CD2AP: variants seen among roughly 807,000 people sequenced by gnomAD.
The protein encoded by CD2AP is CD2-associated protein.
A neutral mutation model predicts 85.1 loss-of-function variants in CD2AP; 46 were observed. That is an observed-to-expected ratio of 0.54 (90% CI 0.43 to 0.69). The LOEUF (loss-of-function observed/expected upper bound fraction) is 0.69, where lower values mean the gene tolerates loss of function less well. Ranked by LOEUF, CD2AP falls within the 30% of genes least tolerant of loss-of-function variation. The probability of loss-of-function intolerance (pLI) is 0.00; values close to 1 mark genes in which losing one functional copy is unlikely to be tolerated. For missense variants in CD2AP, 769 were observed against 729.5 expected (o/e 1.05, Z -0.62); for synonymous variants, 255 against 252.9 (o/e 1.01, Z -0.08).
chr6:47,622,821 G>T (rs185364287), intron 17 of CD2AP, among the ~76,000 whole-genome samples: 12 of 152,296 alleles, frequency 7.9e-5, no homozygotes, highest in African/African-American at 2.6e-4. Flanking sequence ...ATGCTGTTCT[G>T]TCTGGAGCCG....
intron 17 of CD2AP, 34 bp downstream of exon 17, chr6:47,612,570 G>T: frequency 1.4e-6 from 2 of 1,446,928 alleles, no homozygotes; most frequent in East Asian, 2.3e-5. Flanking sequence ...AGAGTTTAGT[G>T]AGCATAAACT....
At chr6:47,525,229 T>C (rs548311171) in intron 2 of CD2AP, among the ~76,000 whole-genome samples, 2 of 152,262 alleles carry the variant, frequency 1.3e-5, no homozygotes, top group South Asian at 4.1e-4. Flanking sequence ...TTAATTCTTA[T>C]TTTCCTTATT....
At chr6:47,621,778 G>T (rs542319562) in intron 17 of CD2AP, among the ~76,000 whole-genome samples, 1 of 152,184 alleles carries the variant, frequency 6.6e-6, no homozygotes, top group African/African-American at 2.4e-5. Context: ...TAGGAGGGTT[G>T]TATTTTTCCA....
At chr6:47,558,859 CT>C (rs892161277) in intron 5 of CD2AP, among the ~76,000 whole-genome samples, 6 of 151,988 alleles carry the variant, frequency 3.9e-5, no homozygotes, top group African/African-American at 1.5e-4. Flanking sequence ...CGGAGGAGTC[CT>C]TTTTTTGTTG....
At chr6:47,612,567 A>T in intron 17 of CD2AP, 31 bp downstream of exon 17, 1 of 1,487,496 alleles carries the variant, frequency 6.7e-7, no homozygotes, top group Non-Finnish European at 9.4e-7. Context: ...TTGAGAGTTT[A>T]GTGAGCATAA....
At chr6:47,581,016 T>G (rs1768464052) in intron 10 of CD2AP, 116 bp downstream of exon 10, 1 of 750,830 alleles carries the variant, frequency 1.3e-6, no homozygotes. Context: ...TCTGTAAACA[T>G]TTTTAGAAAT....
intron 3 of CD2AP, among the ~76,000 whole-genome samples, chr6:47,544,178 C>G (rs1767306205): frequency 6.6e-6 from 1 of 152,158 alleles, no homozygotes. Context: ...ATTTGTACAT[C>G]TTACTGCTTC....
intron 11 of CD2AP, among the ~76,000 whole-genome samples, chr6:47,584,908 T>TA (rs201196580): frequency 6.6e-6 from 1 of 151,778 alleles, no homozygotes; most frequent in African/African-American, 2.4e-5. Context: ...TTTTTACTAT[T>TA]AAAAAAAATC....
chr6:47,610,227 C>T (rs543295657), intron 16 of CD2AP, among the ~76,000 whole-genome samples: 1 of 152,224 alleles, frequency 6.6e-6, no homozygotes, highest in African/African-American at 2.4e-5. Flanking sequence ...GAGATGTTTT[C>T]TATAACCACT....
chr6:47,538,368 A>G (rs1018376060), intron 3 of CD2AP, among the ~76,000 whole-genome samples: 1 of 151,862 alleles, frequency 6.6e-6, no homozygotes, highest in Non-Finnish European at 1.5e-5. Flanking sequence ...CAACGTCCCA[A>G]GTAGCTGGGA....
chr6:47,561,891 C>T (rs1767872655), intron 5 of CD2AP, among the ~76,000 whole-genome samples: 1 of 152,154 alleles, frequency 6.6e-6, no homozygotes, highest in African/African-American at 2.4e-5. Context: ...CGTCATTCTC[C>T]TGCGTCAACC....
intron 2 of CD2AP, among the ~76,000 whole-genome samples, chr6:47,514,074 C>T (rs1196868993): frequency 6.6e-6 from 1 of 152,052 alleles, no homozygotes; most frequent in Non-Finnish European, 1.5e-5. Context: ...TCTAGTAGTT[C>T]TTAATGTATT....
chr6:47,481,083 A>G (rs1765431213), intron 1 of CD2AP, among the ~76,000 whole-genome samples: 2 of 152,218 alleles, frequency 1.3e-5, no homozygotes, highest in African/African-American at 4.8e-5. Flanking sequence ...AGGGAGACAG[A>G]TAGGCAGTGC....
At chr6:47,615,406 G>C (rs1769549930) in intron 17 of CD2AP, among the ~76,000 whole-genome samples, 1 of 152,126 alleles carries the variant, frequency 6.6e-6, no homozygotes, top group Admixed American at 6.5e-5. Flanking sequence ...TTGGCTCATG[G>C]TTCTACAGGC....
At chr6:47,531,703 T>C (rs1263192382) in intron 2 of CD2AP, among the ~76,000 whole-genome samples, 1 of 152,042 alleles carries the variant, frequency 6.6e-6, no homozygotes, top group Non-Finnish European at 1.5e-5. Context: ...ATAATTATAG[T>C]ACATAATAGT....
At chr6:47,544,297 C>A (rs1333502559) in intron 3 of CD2AP, among the ~76,000 whole-genome samples, 1 of 152,046 alleles carries the variant, frequency 6.6e-6, no homozygotes, top group Non-Finnish European at 1.5e-5. Context: ...ATTTGTTGTG[C>A]CAGAAGTGTC....
intron 17 of CD2AP, 35 bp from the exon 18 acceptor site, chr6:47,624,150 AT>A (rs2114168859): frequency 1.3e-6 from 2 of 1,519,006 alleles, no homozygotes; most frequent in Non-Finnish European, 9.1e-7. Flanking sequence ...AACTAAGGAT[AT>A]TTTATGTTTG....
chr6:47,536,997 G>C (rs1313019901), intron 3 of CD2AP, among the ~76,000 whole-genome samples: 1 of 152,156 alleles, frequency 6.6e-6, no homozygotes, highest in Admixed American at 6.5e-5. Context: ...TTTGCTAATT[G>C]TATTTTCCTT....
chr6:47,538,463 C>G (rs1582531745), intron 3 of CD2AP, among the ~76,000 whole-genome samples: 1 of 152,236 alleles, frequency 6.6e-6, no homozygotes, highest in South Asian at 2.1e-4. Flanking sequence ...TCAGGCTGGT[C>G]TCGAACTCCT....
Sources: gnomAD v4.1 joint callset for allele counts (sites outside exome capture counted in the v4.1 genomes callset) on GRCh38, gnomAD v4.1.1 for gene constraint, MANE v1.5 for transcripts, NCBI Gene and HGNC (gene_info 2026-07-23, HGNC 2026-07-21) for gene names.